TGIF1: variants seen among roughly 807,000 people sequenced by gnomAD.
The protein encoded by TGIF1 is homeobox protein TGIF1.
A neutral mutation model predicts 19.3 loss-of-function variants in TGIF1; 4 were observed. The ratio of observed to expected loss-of-function variants is 0.21; its 90% CI spans 0.10 to 0.47. The LOEUF (loss-of-function observed/expected upper bound fraction) is 0.47, where lower values mean the gene tolerates loss of function less well. Ranked by LOEUF, TGIF1 falls within the 20% of genes least tolerant of loss-of-function variation. The pLI, the probability that TGIF1 is intolerant of heterozygous loss-of-function variation, is 0.98. For missense variants in TGIF1, 275 were observed against 341.4 expected (o/e 0.81, Z 1.53); for synonymous variants, 122 against 129.3 (o/e 0.94, Z 0.38).
chr18:3,435,986 C>A (rs1050644744), intron 2 of TGIF1, among the ~76,000 whole-genome samples: 1 of 152,146 alleles, frequency 6.6e-6, no homozygotes, highest in South Asian at 2.1e-4. Flanking sequence ...TCTCTGCCAC[C>A]TGAGTTTCTG....
chr18:3,448,386 G>GC, upstream of TGIF1: 1 of 1,006,998 alleles, frequency 9.9e-7, no homozygotes, highest in South Asian at 4.0e-5. Flanking sequence ...GGGGGCGCTG[G>GC]CCCCCTCCCT....
In TGIF1 at chr18:3,457,524, G is replaced by A. The variant is rs748583910; in HGVS notation, c.403G>A (p.Ala135Thr). 1.2e-6 allele frequency: 2 copies of A among 1,614,100 alleles called. No homozygotes were observed. Among genetic ancestry groups the A allele is most frequent in the African/African-American group, 2.7e-5 (2 of 74,934 alleles). The stretch of plus-strand genomic sequence containing the variant: ...GATGGGCATCAAAAACTTCATGCCA[G>A]CTCTAGAGGAGACCCCATTTCATTC... ...SVMGIKNFMP[A>T]LEETPFHSCT... The change falls in exon 3 of 3, where the codon GCT (alanine) becomes ACT (threonine). Residue 135 changes from alanine (A) to threonine (T), a missense_variant. Ala to Thr is a moderately conservative substitution (Grantham distance 58). Transcript: ENST00000343820. This position sits in a 1 kb window ranked among gnomAD's most constrained non-coding sequence, Gnocchi z 4.9.
rs535063283 is a variant in TGIF1, at chr18:3,458,750, G to A, written c.*810G>A. ...TATAAAGAAAAGTCTTGAAGCATCC[G>A]GTTATTGCTGAGTTTTCAGAAGAAA... On this transcript the variant is annotated 3_prime_UTR_variant, in exon 3 of 3. Transcript: ENST00000343820. 6.6e-6 allele frequency: 1 copy of A among 152,150 alleles called. No homozygotes were observed. The highest frequency in any genetic ancestry group is 1.5e-5 in the Non-Finnish European group (1 of 68,036). 9.4% of individuals were successfully genotyped at this position (152,150 alleles called of 1,614,324 possible).
chr18:3,452,072 C>A, intron 1 of TGIF1: 1 of 1,613,922 alleles, frequency 6.2e-7, no homozygotes, highest in Non-Finnish European at 8.5e-7. Flanking sequence ...TTCCATGGCC[C>A]GCCTCCCACC....
upstream of TGIF1, among the ~76,000 whole-genome samples, chr18:3,445,500 G>A (rs916037122): frequency 3.9e-4 from 59 of 151,740 alleles, no homozygotes; most frequent in Non-Finnish European, 5.4e-4. Flanking sequence ...TGAGGCGGGC[G>A]GATCATGAGG....
In TGIF1 at chr18:3,451,681, G is replaced by T; in HGVS notation, c.16+1176G>T. 1 of 1,181,624 alleles carries T rather than the reference G, an allele frequency of 8.5e-7. No individual in the cohort carries two copies. Among genetic ancestry groups the T allele is most frequent in the East Asian group, 3.8e-5 (1 of 26,594 alleles). The allele number at this position is 1,181,624 out of a possible 1,614,324, so 73.2% of individuals were successfully genotyped here. ...TTCCTTCGGCTGCGTTTCTGTGGGA[G>T]GCCCTGAAACGCGCGGAGCTTCCCT... On this transcript the variant is annotated intron_variant, in intron 1 of 2. Transcript: ENST00000343820. This position sits in a 1 kb window ranked among gnomAD's most constrained non-coding sequence, Gnocchi z 5.4.
At chr18:3,426,400 C>T (rs940693873) in intron 2 of TGIF1, among the ~76,000 whole-genome samples, 1 of 151,988 alleles carries the variant, frequency 6.6e-6, no homozygotes, top group African/African-American at 2.4e-5. Flanking sequence ...AACTCCTGAC[C>T]TCCAGCGATC....
chr18:3,430,986 G>A (rs563040831), intron 2 of TGIF1, among the ~76,000 whole-genome samples: 214 of 152,162 alleles, frequency 1.4e-3, no homozygotes, highest in African/African-American at 5.0e-3. Flanking sequence ...TGAAATGACC[G>A]ATTCCAGGGC....
chr18:3,449,055 A>G (rs973978837), upstream of TGIF1, among the ~76,000 whole-genome samples: 17 of 152,168 alleles, frequency 1.1e-4, no homozygotes, highest in Non-Finnish European at 2.9e-5. Flanking sequence ...CGCGAAAACT[A>G]GAACCAGAGG....
chr18:3,450,563 C>T (rs957240895), intron 1 of TGIF1, 58 bp downstream of exon 1: 23 of 1,549,838 alleles, frequency 1.5e-5, no homozygotes, highest in Non-Finnish European at 2.0e-5. Context: ...AACGTGCTGG[C>T]CGGGCCGCGC....
chr18:3,455,139 A>AT (rs1255167254), intron 1 of TGIF1: 2 of 152,108 alleles, frequency 1.3e-5, no homozygotes, highest in African/African-American at 2.4e-5. Context: ...AGAAGTACTG[A>AT]TTTTTTTCAA....
rs2049377225 is a variant in TGIF1 at position 3,457,008 on chromosome 18, T to TA, written c.244-354dup. ...GAGGTTTTCCTGTAGTTGATTAACT[T>TA]AAATGTTGGGGCAGTAGGTGATAGG... On this transcript the variant is annotated intron_variant, in intron 2 of 2. Coordinates refer to ENST00000343820, the MANE Select transcript of TGIF1 (RefSeq NM_003244.4). The surrounding 1 kb of genome is among the most constrained non-coding windows in gnomAD (Gnocchi z 4.9). 3 of 555,524 alleles carry TA rather than the reference T, an allele frequency of 5.4e-6. No homozygotes were observed. In the South Asian group the frequency reaches 6.8e-5, roughly 13 times the overall value. 34.4% of individuals were successfully genotyped at this position (555,524 alleles called of 1,614,324 possible). A position where few individuals can be genotyped will look rare whatever the true frequency, so the allele number is the denominator to read the frequency against.
At chr18:3,445,765 CAAA>C (rs755240649), upstream of TGIF1, among the ~76,000 whole-genome samples, 7 of 35,842 alleles carry the variant, frequency 2.0e-4, no homozygotes, top group East Asian at 6.6e-3. Context: ...AGAAGAAAAG[CAAA>C]AAAAAAAAAA....
chr18:3,448,158 G>T, upstream of TGIF1: 1 of 985,102 alleles, frequency 1.0e-6, no homozygotes, highest in Non-Finnish European at 1.2e-6. Flanking sequence ...AGCCGCTTTC[G>T]AAGTTAGCAA....
At chr18:3,448,141 C>T (rs986819364), upstream of TGIF1, 1 of 984,708 alleles carries the variant, frequency 1.0e-6, no homozygotes, top group Non-Finnish European at 1.2e-6. Context: ...GCGGCCGAGG[C>T]AGCCGAAGCC....
chr18:3,456,677 CAA>C lies in TGIF1; in HGVS notation c.243+99_243+100del. Reference sequence around the variant, plus strand: ...TCAAGTCATTAAGCTCCTTGCCACTCAAAGACAGAAGGAATATCTTTTTATTG... The same window carrying C: ...TCAAGTCATTAAGCTCCTTGCCACTCAGACAGAAGGAATATCTTTTTATTG... On this transcript the variant is annotated intron_variant, in intron 2 of 2. Coordinates refer to ENST00000343820, the MANE Select transcript of TGIF1 (RefSeq NM_003244.4). The surrounding 1 kb of genome is among the most constrained non-coding windows in gnomAD (Gnocchi z 4.2). The C allele has an allele frequency of 1.9e-6, 2 of 1,071,926 alleles. No homozygotes were observed. Among genetic ancestry groups the C allele is most frequent in the Middle Eastern group, 2.0e-4 (1 of 5,052 alleles). 66.4% of individuals were successfully genotyped at this position (1,071,926 alleles called of 1,614,324 possible). A position where few individuals can be genotyped will look rare whatever the true frequency, so the allele number is the denominator to read the frequency against.
At chr18:3,428,757 A>C (rs1161112451) in intron 2 of TGIF1, among the ~76,000 whole-genome samples, 1 of 151,666 alleles carries the variant, frequency 6.6e-6, no homozygotes, top group East Asian at 1.9e-4. Flanking sequence ...ATGTTATTTT[A>C]TAGGTCAGGC....
In TGIF1 at chr18:3,417,312, A is replaced by ACCG. The variant is rs560173631; in HGVS notation, c.-117-829_-117-827dup. ...GTAGCTGGGACTACAGGCATGAGCC[A>ACCG]CCGCGTCCGGCTAATTTTTGTATTT... On this transcript the variant is annotated intron_variant, in intron 1 of 3. Transcript: ENST00000401449. Among the ~76,000 whole-genome samples, 40 of 152,216 alleles carry ACCG rather than the reference A, an allele frequency of 2.6e-4. No homozygotes were observed. In the South Asian group the frequency reaches 7.9e-3, roughly 30 times the overall value.
At chr18:3,423,906 T>G (rs1176362178) in intron 2 of TGIF1, among the ~76,000 whole-genome samples, 2 of 152,046 alleles carry the variant, frequency 1.3e-5, no homozygotes, top group African/African-American at 2.4e-5. Flanking sequence ...TTCCTCTCTT[T>G]CCAGTGGCCT....
Sources: allele counts gnomAD v4.1 joint callset (sites outside exome capture counted in the v4.1 genomes callset), GRCh38; gene constraint gnomAD v4.1.1; non-coding constraint Gnocchi (gnomAD v3.1); transcripts MANE v1.5; gene names NCBI Gene and HGNC (gene_info 2026-07-23, HGNC 2026-07-21).